LEPROT: variants seen among roughly 807,000 people sequenced by gnomAD.
The protein encoded by LEPROT is leptin receptor gene-related protein.
Under a neutral mutation model 15.4 loss-of-function variants are expected in LEPROT, and 3 were observed. The ratio of observed to expected loss-of-function variants is 0.19; its 90% CI spans 0.09 to 0.50. The LOEUF is 0.50. LEPROT is among the 20% of genes least tolerant of loss of function. LEPROT has a pLI of 0.97. For synonymous variants in LEPROT, 59 were observed against 57.5 expected, an observed-to-expected ratio of 1.03 and a Z score of -0.12; for missense variants, 137 against 162.2, an observed-to-expected ratio of 0.84 and a Z score of 0.84.
At position 65,432,361 on chromosome 1, in the gene LEPROT, C is replaced by T; in HGVS notation, c.*442C>T. 3.1e-6 allele frequency: 3 copies of T among 972,812 alleles called. No individual in the cohort carries two copies. The highest frequency in any genetic ancestry group is 3.7e-6 in the Non-Finnish European group (3 of 818,186). The allele number at this position is 972,812 out of a possible 1,614,324, so 60.3% of individuals were successfully genotyped here. On this transcript the variant is annotated 3_prime_UTR_variant, in exon 4 of 4. Coordinates refer to ENST00000371065, the MANE Select transcript of LEPROT (RefSeq NM_017526.5). Reference sequence around the variant, plus strand: ...AAAGTGTGGCCCACAGACCAAGAGCCTCAACATTTCCTAGAGCCTTATTAG... The same window carrying T: ...AAAGTGTGGCCCACAGACCAAGAGCTTCAACATTTCCTAGAGCCTTATTAG...
At chr1:65,429,534 A>G (rs1646445987) in intron 2 of LEPROT, among the ~76,000 whole-genome samples, 1 of 152,156 alleles carries the variant, frequency 6.6e-6, no homozygotes, top group Non-Finnish European at 1.5e-5. Flanking sequence ...ACACTCTACT[A>G]TGTTCTATAG....
intron 2 of LEPROT, among the ~76,000 whole-genome samples, chr1:65,429,163 T>C (rs1646436280): frequency 6.6e-6 from 1 of 152,148 alleles, no homozygotes; most frequent in African/African-American, 2.4e-5. Flanking sequence ...TTAGAATAGA[T>C]GACCAGGGAA....
At position 65,433,200 on chromosome 1, in the gene LEPROT, G is replaced by A. The variant is rs1391503068; in HGVS notation, c.*1281G>A. The A allele has an allele frequency of 1.0e-6, 1 of 983,642 alleles. No homozygotes were observed. Among genetic ancestry groups the A allele is most frequent in the Admixed American group, 6.2e-5 (1 of 16,040 alleles). The allele number at this position is 983,642 out of a possible 1,614,324, so 60.9% of individuals were successfully genotyped here. A position where few individuals can be genotyped will look rare whatever the true frequency, so the allele number is the denominator to read the frequency against. On this transcript the variant is annotated 3_prime_UTR_variant, in exon 4 of 4. Transcript: ENST00000371065. ...CCCTACTCCTCAACAGTTCTGGTTT[G>A]CCCTGACTTCTCTACGGCTCTGGCT...
chr1:65,433,362 G>T lies in LEPROT; in HGVS notation c.*1443G>T. 1 of 985,332 alleles carries T rather than the reference G, an allele frequency of 1.0e-6. No homozygotes were observed. 61.0% of individuals were successfully genotyped at this position (985,332 alleles called of 1,614,324 possible). On this transcript the variant is annotated 3_prime_UTR_variant, in exon 4 of 4. Transcript: ENST00000371065. ...TATGCCACCCTTAAATGAATCATTG[G>T]GTATACCTGTCATGTTGGATCCTGT...
At position 65,432,261 on chromosome 1, in the gene LEPROT, TA is replaced by T. The variant is rs1204968357; in HGVS notation, c.*344del. The T allele has an allele frequency of 2.0e-6, 2 of 1,004,220 alleles. No individual in the cohort carries two copies. The highest frequency in any genetic ancestry group is 3.5e-5 in the African/African-American group (2 of 57,558). The allele number at this position is 1,004,220 out of a possible 1,614,324, so 62.2% of individuals were successfully genotyped here. A position where few individuals can be genotyped will look rare whatever the true frequency, so the allele number is the denominator to read the frequency against. On this transcript the variant is annotated 3_prime_UTR_variant, in exon 4 of 4. Coordinates refer to ENST00000371065, the MANE Select transcript of LEPROT (RefSeq NM_017526.5). ...TTGGGGATGTGCTTGGAGAGGCAGA[TA>T]ACGCTGAAGCAGGCCTCTCATGACC...
At chr1:65,421,975 TAAATG>T in intron 1 of LEPROT, among the ~76,000 whole-genome samples, 1 of 152,280 alleles carries the variant, frequency 6.6e-6, no homozygotes, top group Non-Finnish European at 1.5e-5. Context: ...GATACAAAGA[TAAATG>T]AGAAGTTATT....
intron 2 of LEPROT, chr1:65,427,824 A>G (rs1646409596): frequency 4.8e-6 from 2 of 413,040 alleles, no homozygotes; most frequent in African/African-American, 2.1e-5. Flanking sequence ...AAGTTTTTGT[A>G]GAGACCGAGT....
chr1:65,421,395 T>A, intron 1 of LEPROT: 1 of 1,536,112 alleles, frequency 6.5e-7, no homozygotes, highest in Non-Finnish European at 8.7e-7. Context: ...ACCGCGTCCC[T>A]TATCTGTATG....
intron 2 of LEPROT, among the ~76,000 whole-genome samples, 172 bp from the exon 3 acceptor site, chr1:65,429,690 T>A (rs1570431169): frequency 6.6e-6 from 1 of 152,234 alleles, no homozygotes; most frequent in East Asian, 1.9e-4. Context: ...TTTAAAATTA[T>A]CACTACTTAT....
At chr1:65,422,843 T>C (rs1057081942) in intron 1 of LEPROT, among the ~76,000 whole-genome samples, 1 of 152,198 alleles carries the variant, frequency 6.6e-6, no homozygotes. Flanking sequence ...GAACAACTTG[T>C]AGGCTGTGGA....
rs142053507 is a variant in LEPROT, at chr1:65,432,628, A to G, written c.*709A>G. On this transcript the variant is annotated 3_prime_UTR_variant, in exon 4 of 4. Transcript: ENST00000371065. ...AGGACAAGTTCAGATGTTCAAGCCT[A>G]TAATATTTAGGCAGTTCCTCAAATT... is the stretch of plus-strand genomic sequence containing the variant. The G allele has an allele frequency of 5.1e-6, 5 of 985,218 alleles. No homozygotes were observed. Among genetic ancestry groups the G allele is most frequent in the African/African-American group, 1.7e-5 (1 of 57,318 alleles). The allele number at this position is 985,218 out of a possible 1,614,324, so 61.0% of individuals were successfully genotyped here.
At chr1:65,424,921 G>A (rs886173329) in intron 1 of LEPROT, among the ~76,000 whole-genome samples, 1 of 152,162 alleles carries the variant, frequency 6.6e-6, no homozygotes, top group Non-Finnish European at 1.5e-5. Context: ...GGATGGAGCC[G>A]GGAAGGTTTC....
chr1:65,435,597 G>A lies in LEPROT; in HGVS notation c.*3678G>A, dbSNP rs1042100252. 1.4e-5 allele frequency: 9 copies of A among 652,848 alleles called. 1 individual carries two copies. The African/African-American group carries it at 1.8e-4, about 13-fold the overall frequency. 40.4% of individuals were successfully genotyped at this position (652,848 alleles called of 1,614,324 possible). On this transcript the variant is annotated 3_prime_UTR_variant, in exon 4 of 4. Coordinates refer to ENST00000371065, the MANE Select transcript of LEPROT (RefSeq NM_017526.5). ...TTAGCCAGGATGGTCTCGATCTCCT[G>A]ACCTCATGATCCGCCCGCCTCTGCC...
At chr1:65,421,405 G>T in intron 1 of LEPROT, 1 of 1,536,070 alleles carries the variant, frequency 6.5e-7, no homozygotes, top group South Asian at 1.2e-5. Context: ...TTATCTGTAT[G>T]GCTTCAGAGC....
chr1:65,425,365 T>G lies in LEPROT; in HGVS notation c.79T>G (p.Leu27Val). The G allele has an allele frequency of 6.2e-7, 1 of 1,603,518 alleles. No homozygotes were observed. The highest frequency in any genetic ancestry group is 1.1e-5 in the South Asian group (1 of 88,732). Residue 27 changes from leucine (L) to valine (V), a missense_variant, in exon 2 of 4, where the codon TTA (leucine) becomes GTA (valine). By Grantham distance (32) the Leu-to-Val change is conservative (BLOSUM62 1). Transcript: ENST00000371065. ...GACTTTTCTTATGCTGGGATGTGCC[T>G]TAGAGGATTATGGGTAAGTTATCAT... ...GLTFLMLGCALEDYGVYWPLF... is the reference protein window; with the variant it reads ...GLTFLMLGCAVEDYGVYWPLF...
Position 65,420,685 on chromosome 1 carries a change from G to T in LEPROT, c.-40G>T. ...GCTTGGGCAGGCTGCCCGGGCCGTGGCAGGAAGCCGGAAGCAGCCGCGGCC... is the reference window on the plus strand; with the variant it reads ...GCTTGGGCAGGCTGCCCGGGCCGTGTCAGGAAGCCGGAAGCAGCCGCGGCC... On this transcript the variant is annotated 5_prime_UTR_variant, in exon 1 of 4. Coordinates refer to ENST00000371065, the MANE Select transcript of LEPROT (RefSeq NM_017526.5). The T allele has an allele frequency of 1.3e-6, 2 of 1,569,014 alleles. No individual in the cohort carries two copies. The highest frequency in any genetic ancestry group is 1.7e-6 in the Non-Finnish European group (2 of 1,159,004).
chr1:65,423,781 A>G (rs1646302027), intron 1 of LEPROT, among the ~76,000 whole-genome samples: 1 of 152,200 alleles, frequency 6.6e-6, no homozygotes, highest in African/African-American at 2.4e-5. Flanking sequence ...GGCTTAATTA[A>G]TTAGTTTAAT....
intron 3 of LEPROT, among the ~76,000 whole-genome samples, 198 bp from the exon 4 acceptor site, chr1:65,431,605 C>T (rs554237518): frequency 3.9e-5 from 6 of 152,244 alleles, no homozygotes; most frequent in African/African-American, 1.4e-4. Flanking sequence ...AAGGATGATA[C>T]CAGACTTAAT....
At chr1:65,429,786 G>A in intron 2 of LEPROT, 76 bp from the exon 3 acceptor site, 1 of 1,196,030 alleles carries the variant, frequency 8.4e-7, no homozygotes, top group South Asian at 2.5e-5. Flanking sequence ...CAATGATTTT[G>A]AAATAGTAGT....
Sources: gnomAD v4.1 joint callset for allele counts (sites outside exome capture counted in the v4.1 genomes callset) on GRCh38, gnomAD v4.1.1 for gene constraint, MANE v1.5 for transcripts, NCBI Gene and HGNC (gene_info 2026-07-23, HGNC 2026-07-21) for gene names.